EPHA6: variants seen among roughly 807,000 people sequenced by gnomAD.
EPHA6 encodes the protein ephrin type-A receptor 6.
Under a neutral mutation model 112.0 loss-of-function variants are expected in EPHA6, and 50 were observed. The observed-to-expected ratio is 0.45, with a 90% CI of 0.36 to 0.56. The LOEUF (loss-of-function observed/expected upper bound fraction) is 0.56. Ranked by LOEUF, EPHA6 falls within the 20% of genes least tolerant of loss-of-function variation. The probability of loss-of-function intolerance (pLI) is 0.00; values close to 1 mark genes in which losing one functional copy is unlikely to be tolerated. For synonymous variants in EPHA6, 529 were observed against 490.7 expected (o/e 1.08, Z -1.03); for missense variants, 1,280 against 1,417.4 (o/e 0.90, Z 1.56).
At chr3:97,560,859 G>A (rs1034131333) in intron 11 of EPHA6, among the ~76,000 whole-genome samples, 4 of 151,956 alleles carry the variant, frequency 2.6e-5, no homozygotes, top group Non-Finnish European at 5.9e-5. Context: ...AAATCTATCA[G>A]TGCCATTTTT....
chr3:97,101,469 TTGAC>T (rs1160187527), intron 3 of EPHA6, among the ~76,000 whole-genome samples: 2 of 152,020 alleles, frequency 1.3e-5, no homozygotes, highest in African/African-American at 2.4e-5. Flanking sequence ...TAATGGATAT[TTGAC>T]TGGGTGTCAT....
rs148854701 is a variant in EPHA6, at chr3:97,227,894, T to C, written c.1270+1475T>C. Reference sequence around the variant, plus strand: ...CTACTCCGTGGTTGGTGGTCTCTTATCAGGAAGGAAGCTGGTTAGTTGTTA... The same window carrying C: ...CTACTCCGTGGTTGGTGGTCTCTTACCAGGAAGGAAGCTGGTTAGTTGTTA... On this transcript the variant is annotated intron_variant, in intron 4 of 17. Transcript: ENST00000389672. Among the ~76,000 whole-genome samples, 512 of 152,216 alleles carry C rather than the reference T, an allele frequency of 3.4e-3. 3 individuals are homozygous for C. Among genetic ancestry groups the C allele is most frequent in the African/African-American group, 0.012 (478 of 41,550 alleles).
At chr3:97,651,663 T>C (rs1164223701) in intron 14 of EPHA6, among the ~76,000 whole-genome samples, 2 of 152,002 alleles carry the variant, frequency 1.3e-5, no homozygotes, top group African/African-American at 2.4e-5. Context: ...TTCAGCATTG[T>C]CTAATTCAGA....
intron 3 of EPHA6, among the ~76,000 whole-genome samples, chr3:97,169,641 T>C (rs1271332838): frequency 1.3e-5 from 2 of 152,174 alleles, no homozygotes; most frequent in Non-Finnish European, 2.9e-5. Context: ...CAAACTAATA[T>C]AAATTCATAG....
intron 9 of EPHA6, among the ~76,000 whole-genome samples, chr3:97,483,345 A>T (rs1417080574): frequency 6.6e-6 from 1 of 152,172 alleles, no homozygotes; most frequent in African/African-American, 2.4e-5. Flanking sequence ...AGACAAGCTG[A>T]TCCTATTCAG....
At chr3:97,600,439 C>T (rs1330007539) in intron 12 of EPHA6, among the ~76,000 whole-genome samples, 1 of 151,176 alleles carries the variant, frequency 6.6e-6, no homozygotes, top group Non-Finnish European at 1.5e-5. Flanking sequence ...GAAATACGTC[C>T]CATCAATACC....
chr3:96,900,091 T>C (rs1263476483), intron 2 of EPHA6, among the ~76,000 whole-genome samples: 1 of 152,170 alleles, frequency 6.6e-6, no homozygotes, highest in Admixed American at 6.5e-5. Flanking sequence ...TATTATTAAT[T>C]ACCCTGGGAC....
At chr3:97,120,563 A>C (rs2048014052) in intron 3 of EPHA6, among the ~76,000 whole-genome samples, 1 of 151,454 alleles carries the variant, frequency 6.6e-6, no homozygotes, top group African/African-American at 2.4e-5. Context: ...GGTTTAAAAA[A>C]TTAAATTTCT....
intron 2 of EPHA6, among the ~76,000 whole-genome samples, chr3:96,964,280 G>A (rs1042946070): frequency 3.3e-5 from 5 of 152,140 alleles, no homozygotes; most frequent in Non-Finnish European, 5.9e-5. Flanking sequence ...AATCACAGCA[G>A]CCTGTTAAAA....
chr3:97,065,647 T>G (rs2046154313), intron 3 of EPHA6, among the ~76,000 whole-genome samples: 1 of 152,100 alleles, frequency 6.6e-6, no homozygotes, highest in African/African-American at 2.4e-5. Context: ...CTAGGAAGTA[T>G]TACATATCAC....
intron 3 of EPHA6, among the ~76,000 whole-genome samples, chr3:97,018,953 T>C (rs535948698): frequency 1.3e-5 from 2 of 152,318 alleles, no homozygotes; most frequent in South Asian, 2.1e-4. Flanking sequence ...GGTAGCCCTG[T>C]CTGGGCATAA....
chr3:96,953,740 C>T (rs753913441), intron 2 of EPHA6, among the ~76,000 whole-genome samples: 1 of 152,150 alleles, frequency 6.6e-6, no homozygotes, highest in Non-Finnish European at 1.5e-5. Context: ...CCATGTTTGA[C>T]ATTCCTTCTT....
rs765488963 is a variant in EPHA6 at position 97,484,082 on chromosome 3, T to G, written c.2200+23T>G. The G allele has an allele frequency of 2.5e-6, 4 of 1,584,052 alleles. No homozygotes were observed. The East Asian group carries it at 6.8e-5, about 27-fold the overall frequency. On this transcript the variant is annotated intron_variant, in intron 10 of 17. Coordinates refer to ENST00000389672, the MANE Select transcript of EPHA6 (RefSeq NM_001080448.3). ...CAGGTAAATGTCAAATCTACACTTT[T>G]GAACAAAACATTCCTTAATTTCTTT...
At chr3:96,955,614 T>C (rs766829648) in intron 2 of EPHA6, among the ~76,000 whole-genome samples, 16 of 152,294 alleles carry the variant, frequency 1.1e-4, no homozygotes, top group South Asian at 8.3e-4. Flanking sequence ...AAAAAGATAC[T>C]GTGCTGATGC....
intron 3 of EPHA6, among the ~76,000 whole-genome samples, chr3:97,035,404 A>G (rs567867998): frequency 6.6e-6 from 1 of 152,126 alleles, no homozygotes; most frequent in South Asian, 2.1e-4. Context: ...TAACTTTAAT[A>G]GACACTAGGA....
Position 97,375,618 on chromosome 3 carries a change from T to C in EPHA6, c.1607-29532T>C, listed in dbSNP as rs138437019. Among the ~76,000 whole-genome samples, 20 of 152,280 alleles carry C rather than the reference T, an allele frequency of 1.3e-4. No homozygotes were observed. In the East Asian group the frequency reaches 3.7e-3, roughly 28 times the overall value. ...CAGTGCATATCCTTGGCAATATAGC[T>C]CAGCTTAATTTTTTGAGGAAAATGT... On this transcript the variant is annotated intron_variant, in intron 5 of 17. Transcript: ENST00000389672.
chr3:96,991,866 T>G (rs1411122232), intron 3 of EPHA6, among the ~76,000 whole-genome samples: 2 of 152,120 alleles, frequency 1.3e-5, no homozygotes, highest in Non-Finnish European at 2.9e-5. Context: ...TTGGAAAATT[T>G]TCTCCCATTC....
At chr3:97,468,334 G>T (rs1004190266) in intron 7 of EPHA6, among the ~76,000 whole-genome samples, 1 of 151,372 alleles carries the variant, frequency 6.6e-6, no homozygotes, top group Non-Finnish European at 1.5e-5. Context: ...AATATTGAAT[G>T]AATGTAAAAG....
chr3:97,382,196 C>T (rs1178160185), intron 5 of EPHA6, among the ~76,000 whole-genome samples: 1 of 151,968 alleles, frequency 6.6e-6, no homozygotes, highest in Non-Finnish European at 1.5e-5. Context: ...TTGACATCCC[C>T]AGTAAATGCC....
Sources: allele counts gnomAD v4.1 joint callset (sites outside exome capture counted in the v4.1 genomes callset), GRCh38; gene constraint gnomAD v4.1.1; transcripts MANE v1.5; gene names NCBI Gene and HGNC (gene_info 2026-07-23, HGNC 2026-07-21).